The following DIP2C variants were observed in gnomAD, a reference collection of about 807,000 sequenced individuals.
DIP2C encodes the protein DIP2 acetate--CoA ligase C (putative), also known as disco-interacting protein 2 homolog C.
A neutral mutation model predicts 192.4 loss-of-function variants in DIP2C; 33 were observed. The ratio of observed to expected loss-of-function variants is 0.17; its 90% confidence interval spans 0.13 to 0.23. The LOEUF (loss-of-function observed/expected upper bound fraction) is 0.23. DIP2C is among the 10% of genes least tolerant of loss of function. The pLI, the probability that DIP2C is intolerant of heterozygous loss-of-function variation, is 1.00. For synonymous variants in DIP2C, 979 were observed against 864.1 expected (o/e 1.13, Z -2.33); for missense variants, 1,537 against 2,110.1 (o/e 0.73, Z 5.32).
chr10:609,870 A>T (rs1852951992), intron 1 of DIP2C, among the ~76,000 whole-genome samples: 1 of 152,168 alleles, frequency 6.6e-6, no homozygotes, highest in Non-Finnish European at 1.5e-5. Context: ...TAGAGACAGA[A>T]ACCCAAGCGT....
intron 29 of DIP2C, among the ~76,000 whole-genome samples, chr10:339,675 G>C (rs1958048657): frequency 6.6e-6 from 1 of 152,110 alleles, no homozygotes; most frequent in Non-Finnish European, 1.5e-5. Flanking sequence ...GCCATGTTCT[G>C]AGCGATTTTC....
At chr10:522,621 G>A (rs1003399087) in intron 1 of DIP2C, among the ~76,000 whole-genome samples, 4 of 152,236 alleles carry the variant, frequency 2.6e-5, no homozygotes, top group South Asian at 2.1e-4. Context: ...CTCGCCCTAC[G>A]ACATAAGACA....
At chr10:311,635 AAC>A (rs1956571148) in intron 31 of DIP2C, 3 of 1,195,534 alleles carry the variant, frequency 2.5e-6, no homozygotes, top group Non-Finnish European at 3.1e-6. Flanking sequence ...CAACACACAC[AAC>A]ACACACAGAC....
At chr10:486,592 G>A (rs953639263) in intron 1 of DIP2C, 62 bp from the exon 2 acceptor site, 26 of 1,404,848 alleles carry the variant, frequency 1.9e-5, no homozygotes, top group Non-Finnish European at 2.2e-5. Flanking sequence ...ATCATTCAAC[G>A]GTGCCCAAGA....
chr10:619,164 T>C (rs1853670672), intron 1 of DIP2C, among the ~76,000 whole-genome samples: 1 of 152,044 alleles, frequency 6.6e-6, no homozygotes, highest in South Asian at 2.1e-4. Context: ...ACTGATGCCG[T>C]CCCCCTAACG....
intron 1 of DIP2C, among the ~76,000 whole-genome samples, chr10:529,319 G>GA (rs766122808): frequency 1.3e-5 from 2 of 149,820 alleles, no homozygotes; most frequent in Non-Finnish European, 2.9e-5. Flanking sequence ...TCACAGAGCT[G>GA]AAAGTGCTCT....
chr10:601,689 G>C (rs749531795), intron 1 of DIP2C, among the ~76,000 whole-genome samples: 19 of 152,206 alleles, frequency 1.2e-4, no homozygotes, highest in Non-Finnish European at 2.8e-4. Context: ...TTCAAGGTGG[G>C]AGGCGCCCAC....
At chr10:619,007 T>C (rs1853658938) in intron 1 of DIP2C, among the ~76,000 whole-genome samples, 1 of 152,242 alleles carries the variant, frequency 6.6e-6, no homozygotes, top group Non-Finnish European at 1.5e-5. Context: ...CTCACTGTGT[T>C]CTGACTGTGG....
intron 1 of DIP2C, among the ~76,000 whole-genome samples, chr10:544,237 G>C (rs975180104): frequency 2.0e-5 from 3 of 152,206 alleles, no homozygotes; most frequent in Admixed American, 2.0e-4. Context: ...TTTGGTGCTG[G>C]CATCTTTCAC....
intron 29 of DIP2C, among the ~76,000 whole-genome samples, chr10:337,509 CTG>C (rs371093322): frequency 4.1e-5 from 5 of 120,986 alleles, no homozygotes; most frequent in Admixed American, 2.7e-4. Flanking sequence ...CCTAGACAGT[CTG>C]TGTGTGTGTG....
chr10:673,285 C>T (rs1218005529), intron 1 of DIP2C, among the ~76,000 whole-genome samples: 2 of 152,154 alleles, frequency 1.3e-5, no homozygotes, highest in East Asian at 1.9e-4. Flanking sequence ...CCAATGCCTG[C>T]GATGAATTCC....
At chr10:432,153 T>C (rs938629433) in intron 4 of DIP2C, among the ~76,000 whole-genome samples, 4 of 152,168 alleles carry the variant, frequency 2.6e-5, no homozygotes, top group African/African-American at 9.7e-5. Context: ...TCTGTGTTCA[T>C]GAGAGATGTT....
chr10:428,236 A>C (rs1490570915), intron 4 of DIP2C, among the ~76,000 whole-genome samples: 3 of 152,096 alleles, frequency 2.0e-5, no homozygotes, highest in African/African-American at 7.2e-5. Context: ...TATTCCAGAA[A>C]ATTTGATTTC....
chr10:405,045 T>C (rs1589717948), intron 9 of DIP2C, among the ~76,000 whole-genome samples: 1 of 152,248 alleles, frequency 6.6e-6, no homozygotes, highest in African/African-American at 2.4e-5. Context: ...AAAATTCAGA[T>C]GTTGAAGTTC....
At chr10:655,496 C>A (rs558301998) in intron 1 of DIP2C, among the ~76,000 whole-genome samples, 2 of 151,510 alleles carry the variant, frequency 1.3e-5, no homozygotes, top group African/African-American at 4.9e-5. Flanking sequence ...CACTACGCTA[C>A]GTAATACTCA....
rs929305823 is a variant in DIP2C, at chr10:487,553, G to A, written c.86-1023C>T. Among the ~76,000 whole-genome samples the A allele has an allele frequency of 1.2e-3, 140 of 120,992 alleles. 2 individuals carry two copies. The highest frequency in any genetic ancestry group is 5.4e-3 in the Admixed American group (57 of 10,648). The allele number at this position is 120,992 out of a possible 152,430, so 79.4% of individuals were successfully genotyped here. ...ACCAAATGACACGGAACCCGCATCCGCCCATCAATGAGTGTTTTTTTTTTT... is the reference window on the plus strand; with the variant it reads ...ACCAAATGACACGGAACCCGCATCCACCCATCAATGAGTGTTTTTTTTTTT... On this transcript the variant is annotated intron_variant, in intron 1 of 36. Transcript: ENST00000280886.
intron 1 of DIP2C, chr10:631,323 T>C (rs927991654): frequency 6.6e-6 from 1 of 152,260 alleles, no homozygotes; most frequent in Admixed American, 6.5e-5. Flanking sequence ...CCACCCACTG[T>C]AGCAGCGGAT....
chr10:593,417 A>AC (rs1738496746), intron 1 of DIP2C, among the ~76,000 whole-genome samples: 1 of 117,792 alleles, frequency 8.5e-6, no homozygotes, highest in Admixed American at 9.5e-5. Context: ...TTCACACCTC[A>AC]CCCCCGCTGT....
chr10:335,137 A>G (rs917399457), intron 29 of DIP2C, among the ~76,000 whole-genome samples: 2 of 152,240 alleles, frequency 1.3e-5, no homozygotes, highest in African/African-American at 4.8e-5. Flanking sequence ...AAACAATACC[A>G]TTATACTCAT....
Sources: gnomAD v4.1 joint callset for allele counts (sites outside exome capture counted in the v4.1 genomes callset) on GRCh38, gnomAD v4.1.1 for gene constraint, MANE v1.5 for transcripts, NCBI Gene and HGNC (gene_info 2026-07-23, HGNC 2026-07-21) for gene names.